CA5B: variants seen among roughly 807,000 people sequenced by gnomAD.
The protein encoded by CA5B is carbonic anhydrase 5B, mitochondrial.
CA5B carries 15 observed loss-of-function variants against 23.1 expected under a neutral mutation model. The ratio of observed to expected loss-of-function variants is 0.65; its 90% CI spans 0.43 to 1.00. The LOEUF (loss-of-function observed/expected upper bound fraction) is 1.00. CA5B is among the 50% of genes least tolerant of loss of function. The pLI is 0.00. For synonymous variants in CA5B, 84 were observed against 98.5 expected (o/e 0.85, Z 0.87); for missense variants, 236 against 252.2 (o/e 0.94, Z 0.43).
intron 2 of CA5B, among the ~76,000 whole-genome samples, chrX:15,763,524 A>G (rs1569277906): frequency 8.9e-6 from 1 of 112,333 alleles, no homozygotes; most frequent in East Asian, 2.8e-4. Flanking sequence ...TGGTTTTGCA[A>G]GATGCCAAAA....
chrX:15,781,221 C>A (rs1315234681), intron 7 of CA5B, among the ~76,000 whole-genome samples: 5 of 110,740 alleles, frequency 4.5e-5, no homozygotes, highest in Non-Finnish European at 9.5e-5. Flanking sequence ...AGGTGAGCCA[C>A]CCGCCTCGGC....
chrX:15,760,531 C>T (rs1209175658), intron 2 of CA5B, among the ~76,000 whole-genome samples: 3 of 111,613 alleles, frequency 2.7e-5, no homozygotes, highest in Non-Finnish European at 3.8e-5. Flanking sequence ...GCTCAGTTTT[C>T]TTGGGCTGGT....
rs180845911 is a variant in CA5B at position 15,753,621 on chromosome X, G to C, written c.142+3456G>C. On this transcript the variant is annotated intron_variant, in intron 2 of 7. Coordinates refer to ENST00000318636, the MANE Select transcript of CA5B (RefSeq NM_007220.4). ...AAATATGTCAAAGAAATATATTTTG[G>C]GGTAAGGCTGGGTACAGTGACTCAT... is the stretch of plus-strand genomic sequence containing the variant. 6.2e-5 allele frequency among the ~76,000 whole-genome samples: 7 copies of C among 112,483 alleles called. No homozygotes were observed. The East Asian group carries it at 1.7e-3, about 27-fold the overall frequency.
At chrX:15,748,420 C>A (rs1380120452) in intron 1 of CA5B, among the ~76,000 whole-genome samples, 2 of 111,612 alleles carry the variant, frequency 1.8e-5, no homozygotes, top group Non-Finnish European at 3.8e-5. Context: ...TTCTTCTTAA[C>A]TCCTATATCA....
intron 2 of CA5B, among the ~76,000 whole-genome samples, chrX:15,759,656 C>T (rs189005228): frequency 5.7e-5 from 6 of 104,924 alleles, no homozygotes; most frequent in African/African-American, 2.1e-4. Context: ...CTCATATAAA[C>T]AACTAAAATC....
chrX:15,743,266 C>T (rs939981269), intron 1 of CA5B, among the ~76,000 whole-genome samples: 6 of 112,451 alleles, frequency 5.3e-5, no homozygotes, highest in African/African-American at 1.3e-4. Context: ...ATCTTCTCAG[C>T]GAGGCCTCCT....
intron 2 of CA5B, among the ~76,000 whole-genome samples, chrX:15,756,237 C>T (rs1347088483): frequency 1.8e-5 from 2 of 112,337 alleles, no homozygotes; most frequent in Admixed American, 9.4e-5. Flanking sequence ...AACCAGCTTG[C>T]CTGGTAGAGA....
chrX:15,776,534 A>G (rs1458425281), intron 6 of CA5B, among the ~76,000 whole-genome samples, 180 bp from the exon 7 acceptor site: 4 of 111,046 alleles, frequency 3.6e-5, no homozygotes, highest in Non-Finnish European at 5.7e-5. Flanking sequence ...TTCCAGAAAC[A>G]AAGCCAGGCA....
chrX:15,745,873 A>G (rs897942067), intron 1 of CA5B, among the ~76,000 whole-genome samples: 22 of 111,855 alleles, frequency 2.0e-4, no homozygotes, highest in Non-Finnish European at 4.1e-4. Context: ...CAAAATGACT[A>G]TTTTCATAGC....
intron 3 of CA5B, among the ~76,000 whole-genome samples, chrX:15,771,996 T>TC (rs1298188548): frequency 8.9e-6 from 1 of 111,908 alleles, no homozygotes; most frequent in Non-Finnish European, 1.9e-5. Context: ...AACTGAAACT[T>TC]TGTACCTTTT....
At chrX:15,751,149 C>T (rs765366910) in intron 2 of CA5B, among the ~76,000 whole-genome samples, 4 of 112,024 alleles carry the variant, frequency 3.6e-5, no homozygotes, top group South Asian at 7.4e-4. Context: ...TTCATGTTTT[C>T]CATTATTTAA....
chrX:15,775,713 C>T (rs768680657), intron 6 of CA5B: 24 of 754,479 alleles, frequency 3.2e-5, no homozygotes, highest in Middle Eastern at 7.5e-4. Context: ...TCCTTCAGGT[C>T]GGATGCCTTT....
At chrX:15,760,296 T>C (rs1273260133) in intron 2 of CA5B, among the ~76,000 whole-genome samples, 1 of 111,104 alleles carries the variant, frequency 9.0e-6, no homozygotes, top group Admixed American at 9.6e-5. Context: ...AGTTTATCTT[T>C]AGCAAAACAA....
intron 1 of CA5B, among the ~76,000 whole-genome samples, chrX:15,740,390 T>TA (rs760649803): frequency 8.9e-6 from 1 of 112,817 alleles, no homozygotes; most frequent in South Asian, 3.6e-4. Context: ...AACCAACTCT[T>TA]AAAAAACTAT....
At chrX:15,750,510 CTGT>C (rs1456279384) in intron 2 of CA5B, 1 of 149,218 alleles carries the variant, frequency 6.7e-6, no homozygotes, top group African/African-American at 3.1e-5. Context: ...ATTTTGGAAC[CTGT>C]TGTTTATTAT....
intron 2 of CA5B, among the ~76,000 whole-genome samples, chrX:15,753,992 G>A (rs1047732777): frequency 1.8e-5 from 2 of 112,333 alleles, no homozygotes; most frequent in African/African-American, 3.2e-5. Flanking sequence ...GCTCTACCAG[G>A]GTCAGGTTGG....
At chrX:15,759,038 T>C (rs1189815768) in intron 2 of CA5B, among the ~76,000 whole-genome samples, 3 of 111,193 alleles carry the variant, frequency 2.7e-5, no homozygotes, top group Non-Finnish European at 5.7e-5. Flanking sequence ...GAAGTGATCA[T>C]ATTATAAGAG....
intron 2 of CA5B, among the ~76,000 whole-genome samples, chrX:15,758,325 C>T (rs1396364271): frequency 9.0e-6 from 1 of 110,823 alleles, no homozygotes; most frequent in African/African-American, 3.3e-5. Flanking sequence ...CTTCTTGCTG[C>T]ATCCTCACGT....
At chrX:15,775,422 G>A in intron 6 of CA5B, 114 bp downstream of exon 6, 2 of 1,028,162 alleles carry the variant, frequency 1.9e-6, no homozygotes, top group Non-Finnish European at 1.2e-6. Flanking sequence ...ACTGTATTCA[G>A]CCTTAGAAGA....
Sources: gnomAD v4.1 joint callset for allele counts (sites outside exome capture counted in the v4.1 genomes callset) on GRCh38, gnomAD v4.1.1 for gene constraint, MANE v1.5 for transcripts, NCBI Gene and HGNC (gene_info 2026-07-23, HGNC 2026-07-21) for gene names.